Variants in CARS2 observed in about 807,000 individuals in gnomAD.
CARS2 encodes probable cysteine--tRNA ligase, mitochondrial.
A neutral mutation model predicts 68.8 loss-of-function variants in CARS2; 52 were observed. That is an observed-to-expected ratio of 0.76 (90% CI 0.61 to 0.95). The LOEUF is 0.95. CARS2 is among the 40% of genes least tolerant of loss of function. The pLI is 0.00. For synonymous variants in CARS2, 314 were observed against 303.6 expected, an observed-to-expected ratio of 1.03 and a Z score of -0.36; for missense variants, 780 against 754.2, an observed-to-expected ratio of 1.03 and a Z score of -0.40.
At chr13:110,655,709 G>A (rs2062348024) in intron 9 of CARS2, among the ~76,000 whole-genome samples, 1 of 152,224 alleles carries the variant, frequency 6.6e-6, no homozygotes, top group Non-Finnish European at 1.5e-5. Flanking sequence ...TGTCTTGTCT[G>A]CAGTTTTCAA....
At chr13:110,664,862 G>T in intron 8 of CARS2, 1 of 431,006 alleles carries the variant, frequency 2.3e-6, no homozygotes, top group Non-Finnish European at 3.1e-6. Flanking sequence ...TGGGAAGCAG[G>T]CCCTCCCGAG....
intron 9 of CARS2, among the ~76,000 whole-genome samples, chr13:110,655,567 T>G (rs1224056422): frequency 2.0e-5 from 3 of 152,182 alleles, no homozygotes; most frequent in Non-Finnish European, 4.4e-5. Flanking sequence ...GGGAGATGTG[T>G]GCACACACAC....
chr13:110,665,741 AC>A lies in CARS2; in HGVS notation c.919+1598del. On this transcript the variant is annotated intron_variant, in intron 8 of 14. Transcript: ENST00000257347. The surrounding 1 kb of genome is among the most constrained non-coding windows in gnomAD (Gnocchi z 4.3). Reference sequence around the variant, plus strand: ...CTGAACTGAGCCCTGAACGAAGTCAACGAGGAAGTGACTTCGGGGCAATCAG... The same window carrying A: ...CTGAACTGAGCCCTGAACGAAGTCAAGAGGAAGTGACTTCGGGGCAATCAG... The A allele has an allele frequency of 1.0e-6, 1 of 985,398 alleles. No individual in the cohort carries two copies. 61.0% of individuals were successfully genotyped at this position (985,398 alleles called of 1,614,324 possible).
chr13:110,642,641 T>C, intron 13 of CARS2, 120 bp from the exon 14 acceptor site: 2 of 961,474 alleles, frequency 2.1e-6, no homozygotes, highest in South Asian at 2.6e-5. Flanking sequence ...CCTGATTCCC[T>C]GCAGCTGGGC....
intron 6 of CARS2, among the ~76,000 whole-genome samples, chr13:110,680,949 C>G (rs932395474): frequency 5.3e-5 from 8 of 152,242 alleles, no homozygotes; most frequent in Admixed American, 2.0e-4. Context: ...GGGAGGTTAT[C>G]GGCCAGGGCG....
At chr13:110,649,098 C>A (rs185282704) in intron 10 of CARS2, 64 of 152,388 alleles carry the variant, frequency 4.2e-4, no homozygotes, top group African/African-American at 1.5e-3. Context: ...TTCGCCTCCC[C>A]GACTCTTCCT....
At chr13:110,713,158 T>C (rs2064056998) in exon 1 of CARS2, 2 of 1,430,714 alleles carry the variant, frequency 1.4e-6, no homozygotes, top group African/African-American at 2.9e-5. Context: ...CTCCTCTTCA[T>C]CGTGATTGGG....
intron 3 of CARS2, among the ~76,000 whole-genome samples, chr13:110,700,405 G>A (rs1186512509): frequency 6.6e-6 from 1 of 152,204 alleles, no homozygotes; most frequent in East Asian, 1.9e-4. Flanking sequence ...TGCGGGCCTC[G>A]AGAGCCAGTG....
At chr13:110,652,107 G>A (rs1054459917) in intron 9 of CARS2, among the ~76,000 whole-genome samples, 6 of 152,242 alleles carry the variant, frequency 3.9e-5, no homozygotes, top group Non-Finnish European at 8.8e-5. Context: ...TGTCCACTGC[G>A]CAGGAAGCTG....
chr13:110,683,842 C>A (rs902065873), intron 5 of CARS2, among the ~76,000 whole-genome samples: 2 of 152,174 alleles, frequency 1.3e-5, no homozygotes, highest in African/African-American at 4.8e-5. Flanking sequence ...CATAGTGAGA[C>A]CCCATCTCTA....
chr13:110,663,312 T>C (rs533632307), intron 9 of CARS2, 139 bp downstream of exon 9: 12 of 791,050 alleles, frequency 1.5e-5, no homozygotes, highest in Non-Finnish European at 2.4e-5. Flanking sequence ...GGGAGGGAGG[T>C]GAGGCAGGTC....
In CARS2 at chr13:110,706,029, C is replaced by A. The variant is rs772792555; in HGVS notation, c.65G>T (p.Gly22Val). 6 of 1,408,312 alleles carry A rather than the reference C, an allele frequency of 4.3e-6. No homozygotes were observed. Among genetic ancestry groups the A allele is most frequent in the Middle Eastern group, 1.9e-4 (1 of 5,268 alleles). The allele number at this position is 1,408,312 out of a possible 1,614,324, so 87.2% of individuals were successfully genotyped here. ...CGCAGGCCAGTGCCACCCAGCCCGC[C>A]CAAGGCCCAGCGCGGCCTGGAGCAG... ...PPLLQAALGL[G>V]RAGWHWPAGR... Residue 22 changes from glycine (G) to valine (V), a missense_variant, in exon 1 of 15, where the codon GGG becomes GTG. Transcript: ENST00000257347.
chr13:110,647,358 CAT>C (rs751703256), intron 10 of CARS2, 119 bp from the exon 11 acceptor site: 14 of 1,272,234 alleles, frequency 1.1e-5, no homozygotes, highest in Middle Eastern at 2.3e-4. Flanking sequence ...GAGAGCGGGA[CAT>C]GTGGCTCTCA....
chr13:110,681,538 G>C (rs574688544), intron 6 of CARS2, among the ~76,000 whole-genome samples: 117 of 152,266 alleles, frequency 7.7e-4, no homozygotes, highest in Admixed American at 3.1e-3. Flanking sequence ...GCAGAAGCTG[G>C]GCAGTTTCTG....
intron 10 of CARS2, among the ~76,000 whole-genome samples, chr13:110,649,523 A>G (rs183433213): frequency 1.3e-5 from 2 of 152,208 alleles, no homozygotes; most frequent in Non-Finnish European, 2.9e-5. Context: ...TGTGTGACAT[A>G]AAGTGTGCTG....
intron 1 of CARS2, among the ~76,000 whole-genome samples, chr13:110,711,946 A>T (rs1052150860): frequency 2.0e-5 from 3 of 152,250 alleles, no homozygotes; most frequent in African/African-American, 7.2e-5. Flanking sequence ...GTTTTTAAAA[A>T]ATCCAAAGAG....
At chr13:110,666,675 T>C in intron 8 of CARS2, 1 of 985,488 alleles carries the variant, frequency 1.0e-6, no homozygotes, top group Non-Finnish European at 1.2e-6. Context: ...CTTCAAAAGA[T>C]AGTATTTGTT....
At chr13:110,647,918 T>C (rs578165843) in intron 10 of CARS2, among the ~76,000 whole-genome samples, 1 of 152,384 alleles carries the variant, frequency 6.6e-6, no homozygotes, top group South Asian at 2.1e-4. Context: ...TTCTCGTGCC[T>C]ACTCTGTTTC....
chr13:110,691,514 G>A (rs2063458274), intron 3 of CARS2, among the ~76,000 whole-genome samples: 1 of 152,134 alleles, frequency 6.6e-6, no homozygotes, highest in Admixed American at 6.6e-5. Flanking sequence ...TCCCCAGTAT[G>A]AGGCTATCAA....
Sources: allele counts gnomAD v4.1 joint callset (sites outside exome capture counted in the v4.1 genomes callset), GRCh38; gene constraint gnomAD v4.1.1; non-coding constraint Gnocchi (gnomAD v3.1); transcripts MANE v1.5; gene names NCBI Gene and HGNC (gene_info 2026-07-23, HGNC 2026-07-21).